FARS2: variants seen among roughly 807,000 people sequenced by gnomAD.
FARS2 encodes the protein phenylalanine--tRNA ligase, mitochondrial.
In FARS2, 40 loss-of-function variants were observed where a neutral mutation model predicts 46.4. The observed-to-expected ratio is 0.86, with a 90% confidence interval of 0.67 to 1.12. The LOEUF (loss-of-function observed/expected upper bound fraction) is 1.12. FARS2 is among the 50% of genes most tolerant of loss of function. FARS2 has a pLI of 0.00. For synonymous variants in FARS2, 234 were observed against 214.9 expected (o/e 1.09, Z -0.78); for missense variants, 513 against 567.9 (o/e 0.90, Z 0.98).
At chr6:5,517,129 T>C (rs1050585693) in intron 4 of FARS2, among the ~76,000 whole-genome samples, 1 of 152,114 alleles carries the variant, frequency 6.6e-6, no homozygotes, top group Non-Finnish European at 1.5e-5. Flanking sequence ...CTGTCTGAGC[T>C]GAATTTCAAA....
At chr6:5,278,318 A>G (rs1430811502) in intron 1 of FARS2, among the ~76,000 whole-genome samples, 1 of 152,192 alleles carries the variant, frequency 6.6e-6, no homozygotes, top group East Asian at 1.9e-4. Flanking sequence ...TTTCTGCAAT[A>G]AGGAGGGTGT....
At chr6:5,384,674 G>C (rs1760006363) in intron 2 of FARS2, among the ~76,000 whole-genome samples, 1 of 152,148 alleles carries the variant, frequency 6.6e-6, no homozygotes, top group Non-Finnish European at 1.5e-5. Flanking sequence ...GAAAATAAAG[G>C]TCTGACATAG....
chr6:5,490,990 ATGTT>A (rs1167089595), intron 4 of FARS2, among the ~76,000 whole-genome samples: 13 of 152,190 alleles, frequency 8.5e-5, no homozygotes, highest in African/African-American at 2.9e-4. Context: ...GAGATAATTA[ATGTT>A]TGTTGTTTTA....
chr6:5,586,192 G>A (rs956529435), intron 5 of FARS2, among the ~76,000 whole-genome samples: 4 of 151,974 alleles, frequency 2.6e-5, no homozygotes, highest in African/African-American at 9.7e-5. Flanking sequence ...TGCCATATTT[G>A]GATACCTTTG....
chr6:5,380,971 ATTATTTATTTATTTATTTATTTAT>A (rs370795967), intron 2 of FARS2, among the ~76,000 whole-genome samples: 1 of 119,150 alleles, frequency 8.4e-6, no homozygotes. Flanking sequence ...CATTATAGCA[ATTATTTATTTATTTATTTATTTAT>A]TTATTTATTT....
intron 1 of FARS2, among the ~76,000 whole-genome samples, chr6:5,333,890 T>C (rs1770971089): frequency 6.6e-6 from 1 of 152,200 alleles, no homozygotes; most frequent in Admixed American, 6.5e-5. Context: ...GTGTGACTCA[T>C]CATTAAATAT....
chr6:5,713,421 G>GA (rs1303935122), intron 6 of FARS2, among the ~76,000 whole-genome samples: 1 of 152,198 alleles, frequency 6.6e-6, no homozygotes, highest in Non-Finnish European at 1.5e-5. Flanking sequence ...TATTATCACA[G>GA]AAAAATGAAG....
intron 4 of FARS2, among the ~76,000 whole-genome samples, chr6:5,451,459 C>G (rs768445825): frequency 6.6e-6 from 1 of 152,064 alleles, no homozygotes; most frequent in Non-Finnish European, 1.5e-5. Flanking sequence ...CTTGAACTGT[C>G]GTAAGAATTG....
intron 1 of FARS2, among the ~76,000 whole-genome samples, chr6:5,355,744 A>G (rs759152051): frequency 1.3e-5 from 2 of 152,148 alleles, no homozygotes; most frequent in African/African-American, 2.4e-5. Flanking sequence ...CACACACGGT[A>G]TAACATGCAA....
chr6:5,285,226 G>T (rs1337789089), intron 1 of FARS2, among the ~76,000 whole-genome samples: 1 of 152,178 alleles, frequency 6.6e-6, no homozygotes, highest in Non-Finnish European at 1.5e-5. Flanking sequence ...AGAAGCATCG[G>T]ATGCAGTGAC....
intron 4 of FARS2, among the ~76,000 whole-genome samples, chr6:5,512,527 G>A (rs751669044): frequency 6.6e-6 from 1 of 152,002 alleles, no homozygotes; most frequent in East Asian, 1.9e-4. Flanking sequence ...CTACCTACTT[G>A]TATTCCACTT....
intron 6 of FARS2, among the ~76,000 whole-genome samples, chr6:5,698,870 C>G (rs141394942): frequency 0.014 from 2,069 of 152,272 alleles, 22 homozygotes; most frequent in Non-Finnish European, 0.021. Flanking sequence ...ACACACAGAG[C>G]TGGTCTGTGG....
At chr6:5,374,828 A>G (rs1759277758) in intron 2 of FARS2, among the ~76,000 whole-genome samples, 1 of 152,100 alleles carries the variant, frequency 6.6e-6, no homozygotes. Context: ...ATCTCAATAG[A>G]TATAGAAAAA....
At chr6:5,633,603 C>G (rs1184995302) in intron 6 of FARS2, among the ~76,000 whole-genome samples, 1 of 152,094 alleles carries the variant, frequency 6.6e-6, no homozygotes, top group Non-Finnish European at 1.5e-5. Flanking sequence ...TATCCTTTTT[C>G]TAGTCTTTTT....
intron 2 of FARS2, among the ~76,000 whole-genome samples, chr6:5,391,593 T>A (rs1581966652): frequency 6.6e-6 from 1 of 151,962 alleles, no homozygotes; most frequent in Admixed American, 6.6e-5. Flanking sequence ...ATGGCTGGTA[T>A]AAAAATGACT....
chr6:5,626,163 G>C (rs905225709), intron 6 of FARS2, among the ~76,000 whole-genome samples: 3 of 152,042 alleles, frequency 2.0e-5, no homozygotes, highest in African/African-American at 7.3e-5. Context: ...ACGAATGAGG[G>C]AATCCCTGTT....
intron 6 of FARS2, among the ~76,000 whole-genome samples, chr6:5,677,340 G>A (rs1009211581): frequency 3.3e-5 from 5 of 152,192 alleles, no homozygotes; most frequent in African/African-American, 1.2e-4. Flanking sequence ...TCCCATTCAA[G>A]TTATTTCTTC....
At chr6:5,585,714 TATA>T (rs927814168) in intron 5 of FARS2, among the ~76,000 whole-genome samples, 24 of 151,802 alleles carry the variant, frequency 1.6e-4, no homozygotes, top group Non-Finnish European at 3.4e-4. Flanking sequence ...AATATTCAAA[TATA>T]ATCCATTATA....
intron 2 of FARS2, among the ~76,000 whole-genome samples, chr6:5,400,571 C>A (rs556632509): frequency 6.6e-6 from 1 of 151,430 alleles, no homozygotes; most frequent in African/African-American, 2.4e-5. Context: ...ATTCTCTGGG[C>A]CCTTGAAAAT....
Sources: allele counts gnomAD v4.1 joint callset (sites outside exome capture counted in the v4.1 genomes callset), GRCh38; gene constraint gnomAD v4.1.1; transcripts MANE v1.5; gene names NCBI Gene and HGNC (gene_info 2026-07-23, HGNC 2026-07-21).